DCHS2: variants seen among roughly 807,000 people sequenced by gnomAD.
DCHS2 encodes dachsous cadherin-related 2, also known as protocadherin-23.
Under a neutral mutation model 182.4 loss-of-function variants are expected in DCHS2, and 142 were observed. That is an observed-to-expected ratio of 0.78 (90% CI 0.68 to 0.89). DCHS2 has a LOEUF of 0.89. Ranked by LOEUF, DCHS2 falls within the 40% of genes least tolerant of loss-of-function variation. The pLI, the probability that DCHS2 is intolerant of heterozygous loss-of-function variation, is 0.00. For synonymous variants in DCHS2, 1,740 were observed against 1,663.3 expected, an observed-to-expected ratio of 1.05 and a Z score of -1.12; for missense variants, 4,319 against 4,198.6, an observed-to-expected ratio of 1.03 and a Z score of -0.79.
chr4:154,287,519 C>T (rs1319519544), intron 13 of DCHS2, among the ~76,000 whole-genome samples: 1 of 152,158 alleles, frequency 6.6e-6, no homozygotes, highest in African/African-American at 2.4e-5. Flanking sequence ...CTTACTCTGT[C>T]TCCCAGGTTG....
intron 3 of DCHS2, 94 bp downstream of exon 3, chr4:154,366,116 T>C: frequency 1.1e-6 from 1 of 939,886 alleles, no homozygotes; most frequent in South Asian, 1.6e-5. Context: ...CCCCCATTAT[T>C]GAAAAAAAGT....
Position 154,491,272 on chromosome 4 carries a change from C to T in DCHS2, c.84G>A (p.Arg28=). 6.4e-7 allele frequency: 1 copy of T among 1,551,042 alleles called. No individual in the cohort carries two copies. The highest frequency in any genetic ancestry group is 1.2e-5 in the South Asian group (1 of 84,018). Residue 28 remains arginine, a synonymous_variant, in exon 1 of 20, where the codon AGG becomes AGA. Transcript: ENST00000357232. Reference sequence around the variant, plus strand: ...CTGACCGCCCATGGGGTGTATCTCTCCTCCCGGGGAGCAGAAGGAGCTTCC... The same window carrying T: ...CTGACCGCCCATGGGGTGTATCTCTTCTCCCGGGGAGCAGAAGGAGCTTCC... The part of the protein sequence containing the change: ...PVGKLLLLPG[R]RDTPHGRSGS...
intron 14 of DCHS2, among the ~76,000 whole-genome samples, chr4:154,267,867 T>C (rs575121541): frequency 6.6e-6 from 1 of 152,364 alleles, no homozygotes; most frequent in East Asian, 1.9e-4. Flanking sequence ...CAAATCTGTG[T>C]AACCATCTCT....
At chr4:154,488,847 G>A (rs1490887551) in intron 1 of DCHS2, among the ~76,000 whole-genome samples, 2 of 151,960 alleles carry the variant, frequency 1.3e-5, no homozygotes, top group African/African-American at 4.8e-5. Context: ...ACTCCAGCCT[G>A]GGCAACAGAG....
chr4:154,237,320 G>A, intron 19 of DCHS2, 161 bp from the exon 20 acceptor site: 1 of 969,112 alleles, frequency 1.0e-6, no homozygotes, highest in South Asian at 2.1e-5. Context: ...ACAAATTATT[G>A]TATTTATATG....
chr4:154,258,931 T>C (rs1732835467), intron 15 of DCHS2, among the ~76,000 whole-genome samples: 1 of 152,172 alleles, frequency 6.6e-6, no homozygotes, highest in Non-Finnish European at 1.5e-5. Context: ...AGAGATCTCC[T>C]AATGCCCAGC....
chr4:154,442,497 C>A (rs1734063785), intron 1 of DCHS2, among the ~76,000 whole-genome samples: 1 of 144,724 alleles, frequency 6.9e-6, no homozygotes, highest in African/African-American at 2.6e-5. Flanking sequence ...TGAATATTCT[C>A]TTCACTTTTT....
At chr4:154,455,888 G>A (rs1016105810) in intron 1 of DCHS2, among the ~76,000 whole-genome samples, 22 of 152,158 alleles carry the variant, frequency 1.4e-4, no homozygotes, top group Admixed American at 1.2e-3. Flanking sequence ...CCAGGAGTTC[G>A]AGCCCAGCCT....
intron 1 of DCHS2, among the ~76,000 whole-genome samples, chr4:154,482,100 A>G (rs771608046): frequency 1.3e-5 from 2 of 152,228 alleles, no homozygotes; most frequent in African/African-American, 2.4e-5. Flanking sequence ...CTGTACAGAT[A>G]TGGTAGGGTT....
Position 154,410,574 on chromosome 4 carries a change from C to CAAAAAAA in DCHS2, c.2053-33137_2053-33131dup, listed in dbSNP as rs1160670540. Among the ~76,000 whole-genome samples, 42 of 35,388 alleles carry CAAAAAAA rather than the reference C, an allele frequency of 1.2e-3. 4 individuals carry two copies. The highest frequency in any genetic ancestry group is 4.3e-3 in the African/African-American group (42 of 9,854). 23.2% of individuals were successfully genotyped at this position (35,388 alleles called of 152,430 possible). ...ACTTTGACAGAGCAAGACTCCATCT[C>CAAAAAAA]AAAAAAAAAAAAAAAAAAAAAAAAA... On this transcript the variant is annotated intron_variant, in intron 1 of 19. Transcript: ENST00000357232.
At chr4:154,408,708 C>T (rs1217639286) in intron 1 of DCHS2, among the ~76,000 whole-genome samples, 1 of 152,168 alleles carries the variant, frequency 6.6e-6, no homozygotes, top group Admixed American at 6.5e-5. Flanking sequence ...CTGTGGAGCA[C>T]AGTAACCTAC....
intron 3 of DCHS2, among the ~76,000 whole-genome samples, chr4:154,356,506 C>T (rs928459416): frequency 2.6e-5 from 4 of 152,104 alleles, no homozygotes; most frequent in Non-Finnish European, 5.9e-5. Flanking sequence ...ATTAATTCAC[C>T]ACTCACTGTC....
intron 5 of DCHS2, among the ~76,000 whole-genome samples, chr4:154,330,645 T>C (rs143615882): frequency 9.7e-4 from 148 of 152,162 alleles, no homozygotes; most frequent in Middle Eastern, 3.4e-3. Flanking sequence ...GCTAAAAACT[T>C]TTTTCCTCTT....
intron 2 of DCHS2, among the ~76,000 whole-genome samples, chr4:154,369,803 A>G (rs1730555919): frequency 6.6e-6 from 1 of 152,210 alleles, no homozygotes; most frequent in South Asian, 2.1e-4. Context: ...GGATTATGGT[A>G]GGAAACCCAA....
At chr4:154,248,618 GC>G (rs1732200105) in intron 16 of DCHS2, among the ~76,000 whole-genome samples, 1 of 151,318 alleles carries the variant, frequency 6.6e-6, no homozygotes, top group Non-Finnish European at 1.5e-5. Context: ...CTTCTTTTCT[GC>G]CTAAACAGAC....
At chr4:154,349,344 T>C (rs1047823829) in intron 3 of DCHS2, among the ~76,000 whole-genome samples, 1 of 152,216 alleles carries the variant, frequency 6.6e-6, no homozygotes, top group African/African-American at 2.4e-5. Context: ...TCTCTCCTGA[T>C]TTCTTGGAAG....
chr4:154,232,227 T>C lies in DCHS2; in HGVS notation c.*2309A>G, dbSNP rs963312317. 6.6e-6 allele frequency: 1 copy of C among 152,076 alleles called. No homozygotes were observed. The highest frequency in any genetic ancestry group is 1.5e-5 in the Non-Finnish European group (1 of 67,998). 9.4% of individuals were successfully genotyped at this position (152,076 alleles called of 1,614,324 possible). ...AAATGTACAAATTATATTGTTTACT[T>C]AGGAAAAAAAGCACTCTAGTTGAAA... On this transcript the variant is annotated 3_prime_UTR_variant, in exon 20 of 20. Coordinates refer to ENST00000357232, the MANE Select transcript of DCHS2 (RefSeq NM_001358235.2).
At chr4:154,384,900 T>A (rs1731332535) in intron 1 of DCHS2, among the ~76,000 whole-genome samples, 2 of 151,978 alleles carry the variant, frequency 1.3e-5, no homozygotes, top group African/African-American at 2.4e-5. Context: ...CTGTTTTTTT[T>A]AATATGGAAA....
At chr4:154,256,121 A>T (rs2111158179) in intron 15 of DCHS2, among the ~76,000 whole-genome samples, 1 of 151,956 alleles carries the variant, frequency 6.6e-6, no homozygotes, top group Admixed American at 6.6e-5. Context: ...CTAGGTGTGA[A>T]TTTTTTTATA....
Sources: allele counts gnomAD v4.1 joint callset (sites outside exome capture counted in the v4.1 genomes callset), GRCh38; gene constraint gnomAD v4.1.1; transcripts MANE v1.5; gene names NCBI Gene and HGNC (gene_info 2026-07-23, HGNC 2026-07-21).